The following ARSF variants were observed in gnomAD, a reference collection of about 807,000 sequenced individuals.
The protein encoded by ARSF is arylsulfatase F.
In ARSF, 33 loss-of-function variants were observed where a neutral mutation model predicts 35.4. The observed-to-expected ratio is 0.93, with a 90% confidence interval of 0.71 to 1.25. The LOEUF (loss-of-function observed/expected upper bound fraction) is 1.25. Among genes scored for constraint, ARSF ranks in the 50% most tolerant of loss-of-function variants. The pLI is 0.00. For missense variants in ARSF, 501 were observed against 480.2 expected, an observed-to-expected ratio of 1.04 and a Z score of -0.40; for synonymous variants, 222 against 193.1, an observed-to-expected ratio of 1.15 and a Z score of -1.24.
intron 5 of ARSF, 69 bp from the exon 6 acceptor site, chrX:3,084,174 T>G: frequency 9.2e-7 from 1 of 1,092,212 alleles, no homozygotes. Context: ...AATGCTCACA[T>G]GGTTTTTGCA....
chrX:3,103,709 A>G (rs760398858), intron 8 of ARSF, 53 bp from the exon 9 acceptor site: 1 of 1,169,253 alleles, frequency 8.6e-7, no homozygotes, highest in Non-Finnish European at 1.2e-6. Context: ...CATTCAATAC[A>G]GTGACTATTT....
intron 1 of ARSF, among the ~76,000 whole-genome samples, chrX:3,064,161 C>T (rs916097954): frequency 1.8e-5 from 2 of 111,867 alleles, no homozygotes; most frequent in Non-Finnish European, 3.8e-5. Flanking sequence ...ACATCTACCA[C>T]CATCTGATCT....
intron 1 of ARSF, among the ~76,000 whole-genome samples, chrX:3,045,387 T>G (rs1470794742): frequency 9.0e-6 from 1 of 111,166 alleles, no homozygotes; most frequent in Non-Finnish European, 1.9e-5. Flanking sequence ...GGTTGCTGCT[T>G]CTTTGCTGAA....
rs1224836464 is a variant in ARSF at position 3,112,174 on chromosome X, G to T, written c.1391G>T (p.Ser464Ile). The T allele has an allele frequency of 7.5e-6, 9 of 1,200,692 alleles. No individual in the cohort carries two copies. In the South Asian group the frequency reaches 1.6e-4, roughly 22 times the overall value. ...GACGAGTCTCTCTTTTCTCCTCCAG[G>T]TGGGTCAGTTTGGAAGGCTCACTAT... is the stretch of plus-strand genomic sequence containing the variant. ...HAVRWIPKDD[S>I]GSVWKAHYVT... The change falls in exon 11 of 11, where the codon AGT becomes ATT. Residue 464 changes from serine to isoleucine, a missense_variant and splice_region_variant. Coordinates refer to ENST00000381127, the MANE Select transcript of ARSF (RefSeq NM_001201539.2).
At chrX:3,068,976 G>C (rs2090084744) in intron 2 of ARSF, among the ~76,000 whole-genome samples, 1 of 112,111 alleles carries the variant, frequency 8.9e-6, no homozygotes, top group African/African-American at 3.2e-5. Flanking sequence ...ATGAACTCCT[G>C]TTTGTATTTT....
Position 3,068,081 on chromosome X carries a change from A to C in ARSF, c.-20A>C. ...TGTGTCTTCTGCCAAAGACAACAAGAAGGTATTCCAAGCTGCACAATGAGG... is the reference window on the plus strand; with the variant it reads ...TGTGTCTTCTGCCAAAGACAACAAGCAGGTATTCCAAGCTGCACAATGAGG... On this transcript the variant is annotated 5_prime_UTR_variant, in exon 2 of 11. Transcript: ENST00000381127. 2.5e-6 allele frequency: 3 copies of C among 1,198,269 alleles called. No individual in the cohort carries two copies. The highest frequency in any genetic ancestry group is 3.4e-6 in the Non-Finnish European group (3 of 889,129).
At chrX:3,106,228 G>A (rs780699728) in intron 9 of ARSF, among the ~76,000 whole-genome samples, 1 of 112,126 alleles carries the variant, frequency 8.9e-6, no homozygotes, top group South Asian at 3.8e-4. Flanking sequence ...GAAGAATATC[G>A]CGAAGATGAC....
At chrX:3,106,060 G>A (rs141757355) in intron 9 of ARSF, among the ~76,000 whole-genome samples, 1 of 111,820 alleles carries the variant, frequency 8.9e-6, no homozygotes, top group Non-Finnish European at 1.9e-5. Context: ...GGCGCCATGA[G>A]ATTACATGCT....
chrX:3,067,309 C>T (rs1273996288), intron 1 of ARSF, among the ~76,000 whole-genome samples: 1 of 111,000 alleles, frequency 9.0e-6, no homozygotes, highest in East Asian at 2.8e-4. Context: ...TACAGATGGG[C>T]TTTTCTTTCA....
At chrX:3,080,397 C>G (rs2090191185) in intron 4 of ARSF, among the ~76,000 whole-genome samples, 1 of 108,698 alleles carries the variant, frequency 9.2e-6, no homozygotes, top group Non-Finnish European at 1.9e-5. Context: ...TCACTTGAAC[C>G]TGGGAGGTGG....
chrX:3,059,663 C>T (rs996383605), intron 1 of ARSF, among the ~76,000 whole-genome samples: 18 of 112,687 alleles, frequency 1.6e-4, no homozygotes, highest in East Asian at 8.4e-4. Flanking sequence ...AGTTCCCACT[C>T]CCACAGAGCC....
At chrX:3,093,169 G>C (rs566635566) in intron 7 of ARSF, among the ~76,000 whole-genome samples, 4 of 110,813 alleles carry the variant, frequency 3.6e-5, no homozygotes, top group Non-Finnish European at 5.7e-5. Context: ...CGTCTCAAAA[G>C]AAAAAAAAAT....
At chrX:3,077,750 G>T (rs747845232) in intron 4 of ARSF, among the ~76,000 whole-genome samples, 3 of 108,581 alleles carry the variant, frequency 2.8e-5, no homozygotes, top group African/African-American at 1.0e-4. Flanking sequence ...GGAGACAGTA[G>T]TATTATCCCC....
intron 2 of ARSF, among the ~76,000 whole-genome samples, chrX:3,068,825 C>T (rs1414628028): frequency 9.0e-6 from 1 of 111,717 alleles, no homozygotes; most frequent in African/African-American, 3.3e-5. Flanking sequence ...GGGATTTGGC[C>T]CACAGTCCTG....
rs1046763657 is a variant in ARSF at position 3,089,588 on chromosome X, A to G, written c.923A>G (p.His308Arg). ...GACGATTTCACTGGCACCAGCAAGC[A>G]TGGCTTGTATGGGGATAATGTGGAA... ...TTDDFTGTSK[H>R]GLYGDNVEEM... Residue 308 changes from histidine (H) to arginine (R), a missense_variant, in exon 7 of 11, where the codon CAT becomes CGT. Coordinates refer to ENST00000381127, the MANE Select transcript of ARSF (RefSeq NM_001201539.2). 8 of 1,211,102 alleles carry G rather than the reference A, an allele frequency of 6.6e-6. No individual in the cohort carries two copies. The highest frequency in any genetic ancestry group is 4.6e-4 in the Middle Eastern group (2 of 4,351).
Position 3,072,173 on chromosome X carries a change from G to C in ARSF, c.159G>C (p.Met53Ile). The C allele has an allele frequency of 5.0e-6, 6 of 1,208,392 alleles. No homozygotes were observed. Among genetic ancestry groups the C allele is most frequent in the Non-Finnish European group, 6.7e-6 (6 of 892,906 alleles). The stretch of plus-strand genomic sequence containing the variant: ...TGGGCTGCTACGGCAATGACACCAT[G>C]AGGTAAGGCGGTTTCATGGCCAGTC... ...GDLGCYGNDT[M>I]RTPHIDRLAR... The change falls in exon 3 of 11, where the codon ATG becomes ATC. Residue 53 changes from methionine (M) to isoleucine (I), a missense_variant and splice_region_variant. Met to Ile is a conservative substitution (Grantham distance 10). Transcript: ENST00000381127.
At chrX:3,066,970 C>G (rs1409435773) in intron 1 of ARSF, 4 of 105,695 alleles carry the variant, frequency 3.8e-5, no homozygotes, top group Non-Finnish European at 7.7e-5. Flanking sequence ...ATCCATTGAC[C>G]TATTGTATTC....
chrX:3,060,007 T>A (rs913558991), intron 1 of ARSF, among the ~76,000 whole-genome samples: 1 of 112,224 alleles, frequency 8.9e-6, no homozygotes, highest in African/African-American at 3.2e-5. Flanking sequence ...CTGACCCCCT[T>A]GTAGCCTAAC....
intron 1 of ARSF, among the ~76,000 whole-genome samples, chrX:3,044,776 T>A (rs2089968256): frequency 9.1e-6 from 1 of 109,304 alleles, no homozygotes; most frequent in African/African-American, 3.3e-5. Context: ...TTTTCGTTTT[T>A]CTTCCTGCCA....
Sources: allele counts gnomAD v4.1 joint callset (sites outside exome capture counted in the v4.1 genomes callset), GRCh38; gene constraint gnomAD v4.1.1; transcripts MANE v1.5; gene names NCBI Gene and HGNC (gene_info 2026-07-23, HGNC 2026-07-21).